The following RSRC2 variants were observed in gnomAD, a reference collection of about 807,000 sequenced individuals.
RSRC2 encodes the protein arginine/serine-rich coiled-coil protein 2.
RSRC2 carries 5 observed loss-of-function variants against 61.3 expected under a neutral mutation model. The observed-to-expected ratio is 0.08, with a 90% CI of 0.04 to 0.17. The LOEUF is 0.17. RSRC2 is among the 10% of genes least tolerant of loss of function. RSRC2 has a pLI of 1.00. For synonymous variants in RSRC2, 202 were observed against 166.5 expected, an observed-to-expected ratio of 1.21 and a Z score of -1.64; for missense variants, 381 against 518.8, an observed-to-expected ratio of 0.73 and a Z score of 2.58.
chr12:122,518,491 G>T (rs1461476139), intron 4 of RSRC2, among the ~76,000 whole-genome samples: 1 of 151,812 alleles, frequency 6.6e-6, no homozygotes, highest in Non-Finnish European at 1.5e-5. Flanking sequence ...TACTTGGGAG[G>T]CTGAGAAAGG....
chr12:122,520,297 G>A, intron 3 of RSRC2: 1 of 330,054 alleles, frequency 3.0e-6, no homozygotes, highest in South Asian at 2.5e-5. Flanking sequence ...TTCTCTATAG[G>A]AGCTTAGAAA....
chr12:122,524,255 T>C (rs1177455204), intron 1 of RSRC2, among the ~76,000 whole-genome samples: 1 of 152,222 alleles, frequency 6.6e-6, no homozygotes, highest in African/African-American at 2.4e-5. Context: ...GGACACTTTT[T>C]TTTTTCATCG....
chr12:122,512,437 T>C (rs1260456279), intron 6 of RSRC2, among the ~76,000 whole-genome samples: 1 of 152,194 alleles, frequency 6.6e-6, no homozygotes, highest in African/African-American at 2.4e-5. Context: ...CTTTAAGAAT[T>C]GTTAAGTCGG....
rs1249299521 is a variant in RSRC2 at position 122,504,038 on chromosome 12, G to C, written c.*1489C>G. On this transcript the variant is annotated 3_prime_UTR_variant, in exon 10 of 10. Transcript: ENST00000331738. ...GCCTGCTGCAATGCACTGCACTCCA[G>C]CCTAGGACAGAAAGCAAAAAAAAAG... The C allele has an allele frequency of 6.6e-6, 1 of 151,996 alleles. No individual in the cohort carries two copies. The highest frequency in any genetic ancestry group is 1.5e-5 in the Non-Finnish European group (1 of 68,008). The allele number at this position is 151,996 out of a possible 1,614,324, so 9.4% of individuals were successfully genotyped here.
chr12:122,506,773 A>C, intron 9 of RSRC2, 61 bp downstream of exon 9: 3 of 977,856 alleles, frequency 3.1e-6, no homozygotes, highest in Non-Finnish European at 4.8e-6. Flanking sequence ...AAAATGAGGG[A>C]AGAACAGTGC....
At chr12:122,513,236 TAAATAAATAAAATAAAATA>T (rs1473390066) in intron 6 of RSRC2, among the ~76,000 whole-genome samples, 14 of 120,106 alleles carry the variant, frequency 1.2e-4, no homozygotes, top group African/African-American at 5.0e-4. Context: ...AATAAATAAA[TAAATAAATAAAATAAAATA>T]AAAATAAAAA....
At chr12:122,525,800 AGTTTTTTTTTTTTT>A (rs1960136512) in intron 1 of RSRC2, among the ~76,000 whole-genome samples, 1 of 41,762 alleles carries the variant, frequency 2.4e-5, no homozygotes, top group African/African-American at 9.3e-5. Flanking sequence ...GTCAACGAAG[AGTTTTTTTTTTTTT>A]TTTTTTTTTT....
At chr12:122,512,440 T>G (rs558007556) in intron 6 of RSRC2, among the ~76,000 whole-genome samples, 5 of 152,276 alleles carry the variant, frequency 3.3e-5, no homozygotes, top group Non-Finnish European at 7.4e-5. Flanking sequence ...TAAGAATTGT[T>G]AAGTCGGCCC....
intron 9 of RSRC2, 36 bp from the exon 10 acceptor site, chr12:122,505,742 G>C (rs758883453): frequency 2.6e-6 from 4 of 1,543,726 alleles, no homozygotes; most frequent in Non-Finnish European, 3.5e-6. Flanking sequence ...AATGAATTCA[G>C]ATGGAGATAA....
chr12:122,520,556 G>C, intron 3 of RSRC2: 1 of 1,367,634 alleles, frequency 7.3e-7, no homozygotes, highest in Non-Finnish European at 9.8e-7. Flanking sequence ...AGCGTCTTCA[G>C]TTCAGTCTCT....
chr12:122,514,586 A>T, intron 6 of RSRC2: 1 of 1,037,946 alleles, frequency 9.6e-7, no homozygotes, highest in African/African-American at 1.7e-5. Flanking sequence ...AAAATTAAAA[A>T]AAAAAAAAAA....
At chr12:122,516,700 A>G (rs569067130) in intron 5 of RSRC2, among the ~76,000 whole-genome samples, 1 of 152,170 alleles carries the variant, frequency 6.6e-6, no homozygotes, top group South Asian at 2.1e-4. Context: ...ACACAACTGA[A>G]TTTGTTTGTT....
intron 4 of RSRC2, 127 bp from the exon 5 acceptor site, chr12:122,517,557 GA>G: frequency 9.0e-7 from 1 of 1,106,748 alleles, no homozygotes; most frequent in Non-Finnish European, 1.3e-6. Flanking sequence ...ATTATTTACA[GA>G]AATAAGCGAG....
rs1022888887 is a variant in RSRC2 at position 122,521,189 on chromosome 12, G to C, written c.207+196C>G. 2.4e-5 allele frequency: 11 copies of C among 459,822 alleles called. No homozygotes were observed. The South Asian group carries it at 4.7e-4, about 20-fold the overall frequency. The allele number at this position is 459,822 out of a possible 1,614,324, so 28.5% of individuals were successfully genotyped here. A position where few individuals can be genotyped will look rare whatever the true frequency, so the allele number is the denominator to read the frequency against. ...ATTTTCACAATATAATAAAATTAAA[G>C]TTTTGAAGGTACTTTTCACATAAAC... On this transcript the variant is annotated intron_variant, in intron 3 of 9. Transcript: ENST00000331738.
In RSRC2 at chr12:122,520,707, ACT is replaced by A. The variant is rs538866828; in HGVS notation, c.207+676_207+677del. 9.3e-4 allele frequency: 505 copies of A among 541,620 alleles called. 2 individuals carry two copies. Among genetic ancestry groups the A allele is most frequent in the Non-Finnish European group, 1.3e-3 (416 of 321,606 alleles). 33.6% of individuals were successfully genotyped at this position (541,620 alleles called of 1,614,324 possible). Reference sequence around the variant, plus strand: ...ACGGGAAGAGGTGAAGTCCCTGCCCACTCTTGTTTTAGGAGTCCCTTACCCAG... The same window carrying A: ...ACGGGAAGAGGTGAAGTCCCTGCCCACTTGTTTTAGGAGTCCCTTACCCAG... On this transcript the variant is annotated intron_variant, in intron 3 of 9. Transcript: ENST00000331738.
intron 6 of RSRC2, chr12:122,513,754 G>C (rs1425710542): frequency 1.0e-6 from 1 of 984,100 alleles, no homozygotes; most frequent in East Asian, 1.1e-4. Flanking sequence ...ATGGAAAGAA[G>C]GGGTGAGCTC....
chr12:122,506,967 T>C (rs775637287), intron 8 of RSRC2, 44 bp from the exon 9 acceptor site: 1 of 1,106,326 alleles, frequency 9.0e-7, no homozygotes, highest in Non-Finnish European at 1.4e-6. Flanking sequence ...AATTTAAATA[T>C]TTTTTAGGAC....
At chr12:122,509,018 A>T (rs1958304785) in intron 7 of RSRC2, among the ~76,000 whole-genome samples, 1 of 152,218 alleles carries the variant, frequency 6.6e-6, no homozygotes, top group Non-Finnish European at 1.5e-5. Context: ...ATAGTAAGAA[A>T]GTATGATTTC....
Position 122,526,845 on chromosome 12 carries a change from T to C in RSRC2, c.6+3A>G, listed in dbSNP as rs776867886. 1 of 1,614,010 alleles carries C rather than the reference T, an allele frequency of 6.2e-7. No homozygotes were observed. The highest frequency in any genetic ancestry group is 1.1e-5 in the South Asian group (1 of 91,088). ...TGGCTTTAAACTCAGATTCGGTACC[T>C]ACCGCCATAGTTCAGAGTCCCGGCC... On this transcript the variant is annotated splice_donor_region_variant and intron_variant, in intron 1 of 9. Coordinates refer to ENST00000331738, the MANE Select transcript of RSRC2 (RefSeq NM_023012.6).
Sources: gnomAD v4.1 joint callset for allele counts (sites outside exome capture counted in the v4.1 genomes callset) on GRCh38, gnomAD v4.1.1 for gene constraint, MANE v1.5 for transcripts, NCBI Gene and HGNC (gene_info 2026-07-23, HGNC 2026-07-21) for gene names.